GNAT3: variants seen among roughly 807,000 people sequenced by gnomAD.
GNAT3 encodes G protein subunit alpha transducin 3.
Under a neutral mutation model 37.7 loss-of-function variants are expected in GNAT3, and 31 were observed. That is an observed-to-expected ratio of 0.82 (90% CI 0.62 to 1.11). The LOEUF is 1.11. Among genes scored for constraint, GNAT3 ranks in the 50% most tolerant of loss-of-function variants. The pLI, the probability that GNAT3 is intolerant of heterozygous loss-of-function variation, is 0.00. For missense variants in GNAT3, 437 were observed against 412.5 expected, an observed-to-expected ratio of 1.06 and a Z score of -0.51; for synonymous variants, 138 against 139.8, an observed-to-expected ratio of 0.99 and a Z score of 0.09.
chr7:80,483,150 T>C (rs944351826), intron 3 of GNAT3, among the ~76,000 whole-genome samples: 6 of 152,118 alleles, frequency 3.9e-5, no homozygotes, highest in African/African-American at 1.2e-4. Flanking sequence ...TCAGCATCCT[T>C]GCATGTCAGG....
intron 1 of GNAT3, 88 bp from the exon 2 acceptor site, chr7:80,494,735 AT>A (rs11382818): frequency 9.0e-5 from 70 of 773,624 alleles, no homozygotes; most frequent in African/African-American, 8.6e-4. Flanking sequence ...ATAATCTTTA[AT>A]TTTTTTTAAT....
intron 3 of GNAT3, among the ~76,000 whole-genome samples, chr7:80,484,375 T>C (rs1790441968): frequency 6.6e-6 from 1 of 152,142 alleles, no homozygotes; most frequent in Non-Finnish European, 1.5e-5. Context: ...TAATATTGGT[T>C]GAAAATTTCC....
chr7:80,462,839 C>A (rs983200933), intron 5 of GNAT3, among the ~76,000 whole-genome samples: 20 of 152,094 alleles, frequency 1.3e-4, no homozygotes, highest in African/African-American at 4.3e-4. Flanking sequence ...TGTCTCCGTG[C>A]AAACTAGAAT....
chr7:80,505,816 C>A (rs1320966622), intron 1 of GNAT3, among the ~76,000 whole-genome samples: 1 of 152,102 alleles, frequency 6.6e-6, no homozygotes, highest in Non-Finnish European at 1.5e-5. Context: ...TTTTTCATAT[C>A]TTATGGATTC....
chr7:80,497,608 GTATATACATATACGTATATA>G (rs1790750806), intron 1 of GNAT3, among the ~76,000 whole-genome samples: 1 of 117,724 alleles, frequency 8.5e-6, no homozygotes. Flanking sequence ...ATACATATAC[GTATATACATATACGTATATA>G]CATATACGTA....
intron 6 of GNAT3, 30 bp from the exon 7 acceptor site, chr7:80,462,342 G>A (rs777619280): frequency 2.2e-5 from 35 of 1,601,518 alleles, no homozygotes; most frequent in Non-Finnish European, 2.8e-5. Flanking sequence ...AGAATGGGTA[G>A]GATTATTATT....
chr7:80,490,100 C>T (rs1369884405), intron 2 of GNAT3, among the ~76,000 whole-genome samples: 1 of 152,112 alleles, frequency 6.6e-6, no homozygotes, highest in Non-Finnish European at 1.5e-5. Flanking sequence ...AATTAATAAG[C>T]TTTTACTGTG....
chr7:80,482,505 T>G lies in GNAT3; in HGVS notation c.304-3507A>C, dbSNP rs573024567. On this transcript the variant is annotated intron_variant, in intron 3 of 7. Transcript: ENST00000398291. Reference sequence around the variant, plus strand: ...TTTTCTTTCTTTTTCTTTTTTGTTTTTTTGTTTGTTTGTTTGTTTGTTTTT... The same window carrying G: ...TTTTCTTTCTTTTTCTTTTTTGTTTGTTTGTTTGTTTGTTTGTTTGTTTTT... Among the ~76,000 whole-genome samples the G allele has an allele frequency of 7.8e-4, 118 of 151,974 alleles. 3 individuals carry two copies. Among genetic ancestry groups the G allele is most frequent in the Middle Eastern group, 3.4e-3 (1 of 294 alleles).
At chr7:80,473,425 G>C (rs1392251723) in intron 5 of GNAT3, among the ~76,000 whole-genome samples, 1 of 151,722 alleles carries the variant, frequency 6.6e-6, no homozygotes, top group East Asian at 1.9e-4. Flanking sequence ...TTTTCCTCAC[G>C]AATGGATATG....
At chr7:80,459,795 C>A (rs1011448875) in intron 7 of GNAT3, among the ~76,000 whole-genome samples, 1 of 152,134 alleles carries the variant, frequency 6.6e-6, no homozygotes, top group Non-Finnish European at 1.5e-5. Flanking sequence ...GAAGGACAAG[C>A]TTTAAAGCCA....
At chr7:80,508,649 A>G (rs1220313716) in intron 1 of GNAT3, among the ~76,000 whole-genome samples, 1 of 152,080 alleles carries the variant, frequency 6.6e-6, no homozygotes, top group Admixed American at 6.6e-5. Flanking sequence ...GCTAAAATAA[A>G]ACACAGATTT....
At chr7:80,472,388 A>G (rs947059756) in intron 5 of GNAT3, among the ~76,000 whole-genome samples, 3 of 152,158 alleles carry the variant, frequency 2.0e-5, no homozygotes, top group Non-Finnish European at 4.4e-5. Context: ...TGCAGGGTGT[A>G]TAGTGACAGG....
At chr7:80,505,975 G>A (rs1306194121) in intron 1 of GNAT3, among the ~76,000 whole-genome samples, 1 of 152,166 alleles carries the variant, frequency 6.6e-6, no homozygotes, top group Non-Finnish European at 1.5e-5. Flanking sequence ...AATGGATTCT[G>A]AACTTGGGTC....
intron 3 of GNAT3, among the ~76,000 whole-genome samples, chr7:80,480,114 A>G (rs1285662876): frequency 6.6e-6 from 1 of 152,206 alleles, no homozygotes; most frequent in Non-Finnish European, 1.5e-5. Flanking sequence ...TAAGATGTTG[A>G]GTTTCAGAAT....
At chr7:80,480,555 A>C (rs1033021627) in intron 3 of GNAT3, among the ~76,000 whole-genome samples, 1 of 152,136 alleles carries the variant, frequency 6.6e-6, no homozygotes, top group African/African-American at 2.4e-5. Flanking sequence ...GTGAAGGAAT[A>C]AAAGAATGGC....
rs771339607 is a variant in GNAT3 at position 80,462,596 on chromosome 7, T to A, written c.626A>T (p.Lys209Met). The change falls in exon 6 of 8, where the codon AAG (lysine) becomes ATG (methionine). Residue 209 changes from lysine to methionine, a missense_variant. Coordinates refer to ENST00000398291, the MANE Select transcript of GNAT3 (RefSeq NM_001102386.3). The part of the protein sequence containing the change: ...FDVGGQRSER[K>M]KWIHCFEGVT... ...TCCTTCAAAGCAGTGAATCCACTTC[T>A]TTCTCTCAGATCTCTGTCCACCTAC... The A allele has an allele frequency of 6.2e-7, 1 of 1,612,642 alleles. No individual in the cohort carries two copies. Among genetic ancestry groups the A allele is most frequent in the Non-Finnish European group, 8.5e-7 (1 of 1,178,840 alleles).
In GNAT3 at chr7:80,511,032, A is replaced by T. The variant is rs910528700; in HGVS notation, c.118+777T>A. Among the ~76,000 whole-genome samples the T allele has an allele frequency of 2.6e-5, 4 of 152,170 alleles. 1 individual carries two copies. Among genetic ancestry groups the T allele is most frequent in the Middle Eastern group, 6.3e-3 (2 of 316 alleles). On this transcript the variant is annotated intron_variant, in intron 1 of 7. Transcript: ENST00000398291. The stretch of plus-strand genomic sequence containing the variant: ...AGGTCATCATTTTTATTTCAAAAAC[A>T]TATTTCTGTTTCAGTGAAACTGCAT...
chr7:80,508,213 T>C (rs974965225), intron 1 of GNAT3, among the ~76,000 whole-genome samples: 3 of 151,788 alleles, frequency 2.0e-5, no homozygotes, highest in Non-Finnish European at 4.4e-5. Context: ...GAAAGCTAAT[T>C]TTTTTCCTAT....
intron 1 of GNAT3, among the ~76,000 whole-genome samples, chr7:80,500,368 T>C (rs1790811350): frequency 6.6e-6 from 1 of 152,126 alleles, no homozygotes; most frequent in African/African-American, 2.4e-5. Flanking sequence ...ATTTATTAAA[T>C]TCCATTTTGC....
Sources: allele counts gnomAD v4.1 joint callset (sites outside exome capture counted in the v4.1 genomes callset), GRCh38; gene constraint gnomAD v4.1.1; transcripts MANE v1.5; gene names NCBI Gene and HGNC (gene_info 2026-07-23, HGNC 2026-07-21).